Variants in SPHKAP observed in about 807,000 individuals in gnomAD.
SPHKAP encodes the protein SPHK1 interactor, AKAP domain containing, also known as A-kinase anchor protein SPHKAP.
Under a neutral mutation model 137.5 loss-of-function variants are expected in SPHKAP, and 67 were observed. That is an observed-to-expected ratio of 0.49 (90% CI 0.40 to 0.60). SPHKAP has a LOEUF of 0.60. Ranked by LOEUF, SPHKAP falls within the 20% of genes least tolerant of loss-of-function variation. The pLI is 0.00. For synonymous variants in SPHKAP, 813 were observed against 785.3 expected, an observed-to-expected ratio of 1.04 and a Z score of -0.59; for missense variants, 2,097 against 2,069.3, an observed-to-expected ratio of 1.01 and a Z score of -0.26.
intron 2 of SPHKAP, 193 bp downstream of exon 2, chr2:228,131,787 G>T (rs1699260890): frequency 1.0e-6 from 1 of 984,324 alleles, no homozygotes; most frequent in Non-Finnish European, 1.2e-6. Flanking sequence ...GATTTTCTAT[G>T]CCTGAATTTT....
At chr2:227,984,869 A>G (rs1693157792) in intron 11 of SPHKAP, among the ~76,000 whole-genome samples, 1 of 152,138 alleles carries the variant, frequency 6.6e-6, no homozygotes, top group Non-Finnish European at 1.5e-5. Flanking sequence ...GCAAGTCTGT[A>G]AAGATTCCAC....
intron 1 of SPHKAP, among the ~76,000 whole-genome samples, chr2:228,137,938 T>A (rs1699486100): frequency 6.6e-6 from 1 of 152,206 alleles, no homozygotes. Context: ...GTTTTAAACA[T>A]CACGTGAGAT....
chr2:228,002,879 G>T lies in SPHKAP; in HGVS notation c.4449-7185C>A, dbSNP rs185118099. ...GTTTGTTAAAGATCAGATGGTTGTA[G>T]ATGTGTGGTATTATTTCTGAGGGCT... On this transcript the variant is annotated intron_variant, in intron 7 of 11. Coordinates refer to ENST00000392056, the MANE Select transcript of SPHKAP (RefSeq NM_001142644.2). Among the ~76,000 whole-genome samples the T allele has an allele frequency of 3.5e-4, 53 of 152,308 alleles. No homozygotes were observed. The East Asian group carries it at 9.4e-3, about 27-fold the overall frequency.
At chr2:228,104,343 A>ATAATATTAAATAATTTAATATTAAT (rs1559175464) in intron 3 of SPHKAP, among the ~76,000 whole-genome samples, 444 of 145,734 alleles carry the variant, frequency 3.0e-3, no homozygotes, top group African/African-American at 0.01. Context: ...TTAATATTAA[A>ATAATATTAAATAATTTAATATTAAT]ATAATATTAA....
intron 1 of SPHKAP, among the ~76,000 whole-genome samples, chr2:228,177,430 G>T (rs1007049703): frequency 6.6e-6 from 1 of 152,142 alleles, no homozygotes; most frequent in African/African-American, 2.4e-5. Context: ...TGTATTCCAA[G>T]ACAGAGAATG....
In SPHKAP at chr2:228,157,824, G is replaced by GC. The variant is rs567784271; in HGVS notation, c.32+23742dup. Among the ~76,000 whole-genome samples, 255 of 152,238 alleles carry GC rather than the reference G, an allele frequency of 1.7e-3. 2 individuals are homozygous for GC. Among genetic ancestry groups the GC allele is most frequent in the Admixed American group, 4.1e-3 (62 of 15,300 alleles). On this transcript the variant is annotated intron_variant, in intron 1 of 11. Coordinates refer to ENST00000392056, the MANE Select transcript of SPHKAP (RefSeq NM_001142644.2). ...AAAATATTTTCAGACTGTTTAGGTG[G>GC]CCACAGAGGTGTAGTAGTTGTTTTG...
chr2:228,142,143 T>C (rs949648534), intron 1 of SPHKAP, among the ~76,000 whole-genome samples: 3 of 152,034 alleles, frequency 2.0e-5, no homozygotes, highest in African/African-American at 7.2e-5. Context: ...TCATATGAAA[T>C]AGTATAATGA....
In SPHKAP at chr2:228,016,634, G is replaced by A. The variant is rs774839623; in HGVS notation, c.4220C>T (p.Ser1407Leu). ...SPLDSKKETS[S>L]CQDPVPINHK... is the part of the protein sequence containing the mutation. ...GTTTATTGGTACAGGGTCCTGGCAC[G>A]AGGAAGTTTCTTTTTTAGAATCTAA... The change falls in exon 7 of 12, where the codon TCG becomes TTG. Residue 1407 changes from serine to leucine, a missense_variant. Transcript: ENST00000392056. The A allele has an allele frequency of 6.8e-6, 11 of 1,613,610 alleles. 1 individual carries two copies. The highest frequency in any genetic ancestry group is 3.3e-5 in the Admixed American group (2 of 59,880).
chr2:228,063,028 A>G (rs573683817), intron 3 of SPHKAP, among the ~76,000 whole-genome samples: 1 of 152,338 alleles, frequency 6.6e-6, no homozygotes, highest in Non-Finnish European at 1.5e-5. Context: ...AGCTTTACAA[A>G]TAAAGTTCTA....
chr2:228,134,660 C>G (rs1223268175), intron 1 of SPHKAP, among the ~76,000 whole-genome samples: 1 of 152,168 alleles, frequency 6.6e-6, no homozygotes, highest in Admixed American at 6.5e-5. Flanking sequence ...AGGCCATGCA[C>G]CAAGCTAACT....
chr2:228,100,757 G>C (rs1446961865), intron 3 of SPHKAP, among the ~76,000 whole-genome samples: 1 of 151,998 alleles, frequency 6.6e-6, no homozygotes, highest in Non-Finnish European at 1.5e-5. Context: ...TATTTTATTG[G>C]GGTTTTTTTG....
chr2:228,055,895 C>T (rs916092997), intron 3 of SPHKAP, among the ~76,000 whole-genome samples: 6 of 152,190 alleles, frequency 3.9e-5, no homozygotes, highest in Admixed American at 3.9e-4. Flanking sequence ...CTACTGTCTC[C>T]AGCAATCCAC....
chr2:227,987,472 ATAACAGTGCCTGG>A lies in SPHKAP; in HGVS notation c.4959+3515_4959+3527del, dbSNP rs552601432. ...CTTGCTCACTGTATCTCCAGGGTGT[ATAACAGTGCCTGG>A]CATTTGTAGATGCTTAAGACCTGAT... On this transcript the variant is annotated intron_variant, in intron 11 of 11. Transcript: ENST00000392056. Among the ~76,000 whole-genome samples the A allele has an allele frequency of 9.2e-3, 1,395 of 152,328 alleles. 26 individuals are homozygous for A. Among genetic ancestry groups the A allele is most frequent in the African/African-American group, 0.032 (1,327 of 41,574 alleles).
intron 4 of SPHKAP, among the ~76,000 whole-genome samples, chr2:228,027,103 T>G (rs983924777): frequency 6.6e-6 from 1 of 152,140 alleles, no homozygotes; most frequent in African/African-American, 2.4e-5. Flanking sequence ...TGCAAAAAGT[T>G]CAAGCCAAGG....
intron 2 of SPHKAP, among the ~76,000 whole-genome samples, chr2:228,113,684 G>A (rs1348558239): frequency 1.4e-5 from 2 of 141,922 alleles, no homozygotes; most frequent in Admixed American, 7.6e-5. Flanking sequence ...TTGAATTCCA[G>A]TCCTGACTCC....
rs113971771 is a variant in SPHKAP at position 228,019,907 on chromosome 2, C to T, written c.947G>A (p.Gly316Glu). The stretch of plus-strand genomic sequence containing the variant: ...ATGATAATAATGTGTGGCTTGTCTC[C>T]CATTCCCCACAGCTTCTCTTTTCCA... ...SQWKREAVGN[G>E]RQATHYYHSE... Residue 316 changes from glycine (G) to glutamate (E), a missense_variant, in exon 7 of 12, where the codon GGG becomes GAG. Gly to Glu is a moderately conservative substitution (Grantham distance 98). Coordinates refer to ENST00000392056, the MANE Select transcript of SPHKAP (RefSeq NM_001142644.2). The T allele has an allele frequency of 4.8e-4, 779 of 1,614,204 alleles. 3 individuals carry two copies. In the African/African-American group the frequency reaches 8.5e-3, roughly 18 times the overall value.
intron 3 of SPHKAP, among the ~76,000 whole-genome samples, chr2:228,098,970 A>T (rs1440671970): frequency 2.0e-5 from 3 of 152,094 alleles, no homozygotes; most frequent in Non-Finnish European, 4.4e-5. Flanking sequence ...ATTCTCTCCC[A>T]TTCTGTAGGT....
intron 3 of SPHKAP, among the ~76,000 whole-genome samples, chr2:228,080,765 A>C (rs1237599228): frequency 1.5e-5 from 1 of 67,244 alleles, no homozygotes; most frequent in Non-Finnish European, 3.3e-5. Context: ...AATAAAATAA[A>C]ATAAAATAAA....
rs917966530 is a variant in SPHKAP at position 228,016,628 on chromosome 2, T to C, written c.4226A>G (p.Gln1409Arg). 9 of 1,613,668 alleles carry C rather than the reference T, an allele frequency of 5.6e-6. No homozygotes were observed. In the East Asian group the frequency reaches 1.6e-4, roughly 28 times the overall value. Reference protein sequence around the residue: ...LDSKKETSSCQDPVPINHKRR... With the variant: ...LDSKKETSSCRDPVPINHKRR... ...TTTGTGGTTTATTGGTACAGGGTCC[T>C]GGCACGAGGAAGTTTCTTTTTTAGA... Residue 1409 changes from glutamine to arginine, a missense_variant, in exon 7 of 12, where the codon CAG becomes CGG. Gln to Arg is a conservative substitution (Grantham distance 43). Transcript: ENST00000392056.
Sources: allele counts gnomAD v4.1 joint callset (sites outside exome capture counted in the v4.1 genomes callset), GRCh38; gene constraint gnomAD v4.1.1; transcripts MANE v1.5; gene names NCBI Gene and HGNC (gene_info 2026-07-23, HGNC 2026-07-21).